Variants in HELB observed in about 807,000 individuals in gnomAD.
HELB encodes DNA 5'-3' helicase B.
In HELB, 96 loss-of-function variants were observed where a neutral mutation model predicts 101.7. That is an observed-to-expected ratio of 0.94 (90% CI 0.80 to 1.12). The LOEUF (loss-of-function observed/expected upper bound fraction) is 1.12. HELB is among the 50% of genes most tolerant of loss of function. The pLI, the probability that HELB is intolerant of heterozygous loss-of-function variation, is 0.00. For synonymous variants in HELB, 437 were observed against 459.7 expected, an observed-to-expected ratio of 0.95 and a Z score of 0.63; for missense variants, 1,210 against 1,291.9, an observed-to-expected ratio of 0.94 and a Z score of 0.97.
chr12:66,309,850 G>A lies in HELB; in HGVS notation c.922G>A (p.Asp308Asn), dbSNP rs1333648197. The change falls in exon 4 of 13, where the codon GAT becomes AAT. Residue 308 changes from aspartate to asparagine, a missense_variant. By Grantham distance (23) the Asp-to-Asn change is conservative. Around this residue, in one of 2 missense-constraint regions of HELB, gnomAD observed 470 missense variants for 563.1 expected, o/e 0.83. Transcript: ENST00000247815. Reference protein sequence around the residue: ...YSRLKQICREDGHTYVEVNDL... With the variant: ...YSRLKQICRENGHTYVEVNDL... The stretch of plus-strand genomic sequence containing the variant: ...CAGACTGAAGCAGATATGTAGAGAA[G>A]ATGGGCACACATATGTTGAAGTGAA... 3 of 1,614,124 alleles carry A rather than the reference G, an allele frequency of 1.9e-6. No homozygotes were observed. Among genetic ancestry groups the A allele is most frequent in the Non-Finnish European group, 2.5e-6 (3 of 1,179,980 alleles).
At chr12:66,302,880 G>A (rs1302755780) in intron 1 of HELB, 90 bp downstream of exon 1, 3 of 1,151,526 alleles carry the variant, frequency 2.6e-6, no homozygotes, top group African/African-American at 1.5e-5. Flanking sequence ...GCACCCAGTC[G>A]TGCTAACAGA....
chr12:66,311,793 TAA>T (rs144504886), intron 4 of HELB, among the ~76,000 whole-genome samples: 5,552 of 152,306 alleles, frequency 0.036, 145 homozygotes, highest in Non-Finnish European at 0.058. Flanking sequence ...TTTAAGCTTG[TAA>T]AGAGTTGGAG....
At chr12:66,341,514 T>C (rs989438559), downstream of HELB, 1 of 152,198 alleles carries the variant, frequency 6.6e-6, no homozygotes, top group African/African-American at 2.4e-5. Flanking sequence ...ACACCTAATA[T>C]TAACCATCAC....
Position 66,302,786 on chromosome 12 carries a change from C to T in HELB, c.183C>T (p.Leu61=). ...AGGCTGGCAGCCTCCCCGGGTGCCT[C>T]CGCGGTGAGGAAGGCGTCTGCCCGG... The part of the protein sequence containing the change: ...GVKAGSLPGC[L]RVSICDENTQ... The change falls in exon 1 of 13, where the codon CTC becomes CTT. Residue 61 remains leucine (L), a synonymous_variant. Transcript: ENST00000247815. 6.2e-7 allele frequency: 1 copy of T among 1,606,874 alleles called. No individual in the cohort carries two copies. The highest frequency in any genetic ancestry group is 1.1e-5 in the South Asian group (1 of 90,544).
intron 10 of HELB, chr12:66,324,778 G>A: frequency 1.9e-6 from 1 of 537,510 alleles, no homozygotes; most frequent in South Asian, 2.3e-5. Context: ...TTCAAAGACT[G>A]AAAACTTCTA....
At chr12:66,322,865 A>T in intron 9 of HELB, 82 bp downstream of exon 9, 1 of 853,284 alleles carries the variant, frequency 1.2e-6, no homozygotes. Context: ...GATGTTTGTC[A>T]CCTATTTACA....
intron 11 of HELB, among the ~76,000 whole-genome samples, chr12:66,328,345 T>C (rs1219071922): frequency 2.6e-5 from 4 of 152,120 alleles, no homozygotes; most frequent in African/African-American, 2.4e-5. Context: ...GCAGGTCAAT[T>C]GAGCCCAGGA....
chr12:66,313,166 G>C (rs1389692531), intron 4 of HELB, among the ~76,000 whole-genome samples: 1 of 151,616 alleles, frequency 6.6e-6, no homozygotes, highest in Non-Finnish European at 1.5e-5. Flanking sequence ...AAATATGAAG[G>C]CTTTACTTAA....
In HELB at chr12:66,309,885, T is replaced by G; in HGVS notation, c.957T>G (p.Thr319=). The G allele has an allele frequency of 6.2e-7, 1 of 1,614,150 alleles. No homozygotes were observed. ...CATATGTTGAAGTGAATGACTTAAC[T>G]TTGACATTGTCAAATCATATGTCAT... ...GHTYVEVNDL[T]LTLSNHMSFH... The change falls in exon 4 of 13, where the codon ACT becomes ACG. Residue 319 remains threonine, a synonymous_variant. Transcript: ENST00000247815.
chr12:66,330,372 A>G (rs1438606731), intron 11 of HELB, among the ~76,000 whole-genome samples: 2 of 152,160 alleles, frequency 1.3e-5, no homozygotes, highest in Non-Finnish European at 2.9e-5. Flanking sequence ...GAGAAAAAAA[A>G]GTCATCCATA....
At chr12:66,314,205 GTA>G in intron 5 of HELB, 42 bp downstream of exon 5, 1 of 1,573,990 alleles carries the variant, frequency 6.4e-7, no homozygotes, top group Non-Finnish European at 8.7e-7. Flanking sequence ...TTATTTCAAA[GTA>G]TTGTGGTTAG....
At chr12:66,308,493 A>G (rs1031384962) in intron 3 of HELB, among the ~76,000 whole-genome samples, 1 of 152,214 alleles carries the variant, frequency 6.6e-6, no homozygotes, top group Non-Finnish European at 1.5e-5. Flanking sequence ...CAAGTATTGT[A>G]TTAGTTTGCT....
chr12:66,334,115 G>T (rs1040966302), intron 12 of HELB, among the ~76,000 whole-genome samples: 1 of 152,094 alleles, frequency 6.6e-6, no homozygotes, highest in African/African-American at 2.4e-5. Context: ...AGCTGTGATT[G>T]CATCATGGTA....
At position 66,313,961 on chromosome 12, in the gene HELB, T is replaced by C. The variant is rs900470396; in HGVS notation, c.1681-25T>C. ...TTTTGTAGATTTTATAACCTGACTT[T>C]AGGAATGCCATACTTTGCTTGTAGG... On this transcript the variant is annotated intron_variant, in intron 4 of 12. Transcript: ENST00000247815. 4.4e-6 allele frequency: 7 copies of C among 1,608,172 alleles called. No individual in the cohort carries two copies. In the African/African-American group the frequency reaches 9.4e-5, roughly 22 times the overall value.
intron 4 of HELB, among the ~76,000 whole-genome samples, chr12:66,313,305 G>A (rs1479877815): frequency 6.6e-6 from 1 of 152,122 alleles, no homozygotes; most frequent in Non-Finnish European, 1.5e-5. Context: ...TGAGTGTTAT[G>A]TCAGTGCTCA....
At chr12:66,334,815 T>C (rs1177988941) in intron 12 of HELB, among the ~76,000 whole-genome samples, 1 of 151,620 alleles carries the variant, frequency 6.6e-6, no homozygotes, top group Admixed American at 6.6e-5. Context: ...ACATACAAAA[T>C]AAACAATCCC....
chr12:66,342,415 C>CCTA (rs2053924635), downstream of HELB: 3 of 148,618 alleles, frequency 2.0e-5, no homozygotes, highest in South Asian at 4.3e-4. Context: ...TGCCCTGTTG[C>CCTA]CTAGGCTGGA....
At chr12:66,308,664 G>A (rs747823135) in intron 3 of HELB, among the ~76,000 whole-genome samples, 12 of 152,092 alleles carry the variant, frequency 7.9e-5, no homozygotes, top group Non-Finnish European at 1.8e-4. Flanking sequence ...TCTCTTATTA[G>A]TTCTTCACAT....
chr12:66,329,583 T>C (rs1380589848), intron 11 of HELB, among the ~76,000 whole-genome samples: 1 of 152,152 alleles, frequency 6.6e-6, no homozygotes, highest in Non-Finnish European at 1.5e-5. Context: ...ATTAAGGGGT[T>C]AGGACTTTAT....
Sources: allele counts gnomAD v4.1 joint callset (sites outside exome capture counted in the v4.1 genomes callset), GRCh38; gene constraint gnomAD v4.1.1; regional missense constraint gnomAD v4.1.1; transcripts MANE v1.5; gene names NCBI Gene and HGNC (gene_info 2026-07-23, HGNC 2026-07-21).